Variants in ARAP1 observed in about 807,000 individuals in gnomAD.
ARAP1 encodes the protein ArfGAP with RhoGAP domain, ankyrin repeat and PH domain 1.
Under a neutral mutation model 172.2 loss-of-function variants are expected in ARAP1, and 76 were observed. That is an observed-to-expected ratio of 0.44 (90% CI 0.37 to 0.53). The LOEUF is 0.53. ARAP1 is among the 20% of genes least tolerant of loss of function. The pLI, the probability that ARAP1 is intolerant of heterozygous loss-of-function variation, is 0.00. For synonymous variants in ARAP1, 804 were observed against 803.3 expected, an observed-to-expected ratio of 1.00 and a Z score of -0.01; for missense variants, 1,686 against 1,977.5, an observed-to-expected ratio of 0.85 and a Z score of 2.80.
chr11:72,704,229 G>A lies in ARAP1; in HGVS notation c.1915C>T (p.His639Tyr). ...PSSSPSTRRC[H>Y]LEAKYREGKY... ...CCCTCACGGTACTTGGCCTCCAGGT[G>A]GCACCGCCGGGTGCTGGGGCTGCTG... Residue 639 changes from histidine (H) to tyrosine (Y), a missense_variant, in exon 14 of 35, where the codon CAC becomes TAC. Coordinates refer to ENST00000393609, the MANE Select transcript of ARAP1 (RefSeq NM_001040118.3). The A allele has an allele frequency of 6.2e-7, 1 of 1,613,832 alleles. No homozygotes were observed. Among genetic ancestry groups the A allele is most frequent in the Non-Finnish European group, 8.5e-7 (1 of 1,179,924 alleles).
intron 1 of ARAP1, among the ~76,000 whole-genome samples, chr11:72,751,554 A>C (rs1385856169): frequency 6.6e-6 from 1 of 152,014 alleles, no homozygotes; most frequent in African/African-American, 2.4e-5. Flanking sequence ...CCTGGGACCC[A>C]CCAAAGAGTC....
At chr11:72,734,093 T>G (rs1353452875) in intron 1 of ARAP1, among the ~76,000 whole-genome samples, 1 of 152,152 alleles carries the variant, frequency 6.6e-6, no homozygotes, top group Non-Finnish European at 1.5e-5. Flanking sequence ...CCCCAGTTGC[T>G]AGAAGTACAG....
In ARAP1 at chr11:72,741,007, T is replaced by C. The variant is rs1350816931; in HGVS notation, c.-127-8410A>G. On this transcript the variant is annotated intron_variant, in intron 1 of 34. Coordinates refer to ENST00000393609, the MANE Select transcript of ARAP1 (RefSeq NM_001040118.3). The surrounding 1 kb of genome is among the most constrained non-coding windows in gnomAD (Gnocchi z 4.5). ...TACCTCACTTGCAAATAAATGAAGCTGAAAGTTAAATGGTTTGGTTTTAGG... is the reference window on the plus strand; with the variant it reads ...TACCTCACTTGCAAATAAATGAAGCCGAAAGTTAAATGGTTTGGTTTTAGG... Among the ~76,000 whole-genome samples, 2 of 152,114 alleles carry C rather than the reference T, an allele frequency of 1.3e-5. No homozygotes were observed. Among genetic ancestry groups the C allele is most frequent in the Non-Finnish European group, 2.9e-5 (2 of 68,022 alleles).
At chr11:72,723,728 C>G (rs189240168) in intron 3 of ARAP1, among the ~76,000 whole-genome samples, 1 of 152,154 alleles carries the variant, frequency 6.6e-6, no homozygotes, top group East Asian at 1.9e-4. Context: ...CACAAGCTCA[C>G]GTTGGCAATC....
intron 2 of ARAP1, among the ~76,000 whole-genome samples, chr11:72,730,452 G>A (rs1379152887): frequency 1.3e-5 from 2 of 152,148 alleles, no homozygotes; most frequent in Non-Finnish European, 2.9e-5. Context: ...GGCTGGGCGC[G>A]GTGGCTCACA....
At chr11:72,748,445 G>A (rs1464330627) in intron 1 of ARAP1, among the ~76,000 whole-genome samples, 2 of 151,972 alleles carry the variant, frequency 1.3e-5, no homozygotes, top group Non-Finnish European at 2.9e-5. Context: ...GCTTGAACCC[G>A]GGAGGCGGAG....
chr11:72,688,084 A>G (rs890214987), intron 31 of ARAP1, among the ~76,000 whole-genome samples: 51 of 152,002 alleles, frequency 3.4e-4, no homozygotes, highest in African/African-American at 1.2e-3. Flanking sequence ...ACTGCAGCCC[A>G]AACTTCGGGA....
chr11:72,701,793 C>A lies in ARAP1; in HGVS notation c.2168-10G>T. On this transcript the variant is annotated splice_polypyrimidine_tract_variant and intron_variant, in intron 15 of 34. Transcript: ENST00000393609. ...TCCAGCCGAGGCACCTCTTTGTAGG[C>A]GGGGAAAGGATGGCAGGTCATGCTG... The A allele has an allele frequency of 6.2e-7, 1 of 1,612,132 alleles. No homozygotes were observed. Among genetic ancestry groups the A allele is most frequent in the African/African-American group, 1.3e-5 (1 of 74,992 alleles).
Position 72,702,928 on chromosome 11 carries a change from A to C in ARAP1, c.2144T>G (p.Phe715Cys). The change falls in exon 15 of 35, where the codon TTC becomes TGC. Residue 715 changes from phenylalanine (F) to cysteine (C), a missense_variant. Phe to Cys is a radical substitution (Grantham distance 205). This residue lies in a region of ARAP1 where 688 missense variants were observed against 856.9 expected (regional missense o/e 0.80). Transcript: ENST00000393609. Reference protein sequence around the residue: ...EQAGQTLQMEFLRNNRTTEVP... With the variant: ...EQAGQTLQMECLRNNRTTEVP... ...ACCTGTGGTCCGGTTGTTCCGAAGG[A>C]ATTCCATCTGCAGCGTCTGCCCCGC... The C allele has an allele frequency of 6.4e-7, 1 of 1,557,796 alleles. No homozygotes were observed. The highest frequency in any genetic ancestry group is 8.7e-7 in the Non-Finnish European group (1 of 1,150,280).
At chr11:72,687,648 T>G (rs1855748182) in intron 32 of ARAP1, 40 bp downstream of exon 32, 1 of 1,614,074 alleles carries the variant, frequency 6.2e-7, no homozygotes, top group Non-Finnish European at 8.5e-7. Context: ...TGCCACCATC[T>G]TTCCTCAGCC....
Position 72,712,335 on chromosome 11 carries a change from C to G in ARAP1, c.883G>C (p.Gly295Arg), listed in dbSNP as rs141567247. The change falls in exon 7 of 35, where the codon GGA (glycine) becomes CGA (arginine). Residue 295 changes from glycine to arginine, a missense_variant. Transcript: ENST00000393609. ...DHAYEGVPNG[G>R]WHTSSLSLSL... Reference sequence around the variant, plus strand: ...AAGCTCAGGCTGCTGGTATGCCATCCGCCACTAGCGAGAGATGAGGGGATG... The same window carrying G: ...AAGCTCAGGCTGCTGGTATGCCATCGGCCACTAGCGAGAGATGAGGGGATG... 6.5e-7 allele frequency: 1 copy of G among 1,548,892 alleles called. No individual in the cohort carries two copies. Among genetic ancestry groups the G allele is most frequent in the South Asian group, 1.2e-5 (1 of 81,860 alleles).
At chr11:72,736,017 AAAG>A (rs1252916283) in intron 1 of ARAP1, among the ~76,000 whole-genome samples, 2 of 152,214 alleles carry the variant, frequency 1.3e-5, no homozygotes, top group Non-Finnish European at 2.9e-5. Context: ...CAAATTGAAA[AAAG>A]AAGTTCAGAG....
intron 13 of ARAP1, 128 bp downstream of exon 13, chr11:72,705,677 T>G: frequency 1.0e-6 from 1 of 985,686 alleles, no homozygotes; most frequent in Non-Finnish European, 1.5e-6. Context: ...ACCCACTAGA[T>G]TATCACAAAG....
Position 72,686,156 on chromosome 11 carries a change from G to C in ARAP1, c.4221C>G (p.Arg1407=), listed in dbSNP as rs201910427. 6.2e-7 allele frequency: 1 copy of C among 1,613,880 alleles called. No homozygotes were observed. The part of the protein sequence containing the change: ...DGLVWPSEPS[R]VSRAVPEVRL... ...GGACCTCAGGCACTGCCCGGGACAC[G>C]CGTGAGGGCTCTGAGGGCCACACCA... The change falls in exon 34 of 35, where the codon CGC becomes CGG. Residue 1407 remains arginine, a synonymous_variant. Transcript: ENST00000393609.
Position 72,686,167 on chromosome 11 carries a change from C to G in ARAP1, c.4210G>C (p.Glu1404Gln). 1 of 1,613,596 alleles carries G rather than the reference C, an allele frequency of 6.2e-7. No homozygotes were observed. The highest frequency in any genetic ancestry group is 1.3e-5 in the African/African-American group (1 of 75,048). Residue 1404 changes from glutamate to glutamine, a missense_variant, in exon 34 of 35, where the codon GAG becomes CAG. Glu to Gln is a conservative substitution (Grantham distance 29, BLOSUM62 2). Transcript: ENST00000393609. ...VQHDGLVWPSEPSRVSRAVPE... is the reference protein window; with the variant it reads ...VQHDGLVWPSQPSRVSRAVPE... ...ACTGCCCGGGACACGCGTGAGGGCTCTGAGGGCCACACCAGGCCGTCATGC... is the reference window on the plus strand; with the variant it reads ...ACTGCCCGGGACACGCGTGAGGGCTGTGAGGGCCACACCAGGCCGTCATGC...
Position 72,697,899 on chromosome 11 carries a change from T to C in ARAP1, c.2737+12A>G. ...GCCCTGGAGGCTGGGGGCCCAGGTC[T>C]GGTCCACGCACAAAGCTCCTGCAGT... On this transcript the variant is annotated intron_variant, in intron 19 of 34. Coordinates refer to ENST00000393609, the MANE Select transcript of ARAP1 (RefSeq NM_001040118.3). 1 of 1,576,010 alleles carries C rather than the reference T, an allele frequency of 6.3e-7. No individual in the cohort carries two copies. The highest frequency in any genetic ancestry group is 1.7e-4 in the Middle Eastern group (1 of 5,862).
intron 14 of ARAP1, chr11:72,703,286 C>G (rs982120601): frequency 1.8e-6 from 1 of 542,994 alleles, no homozygotes; most frequent in African/African-American, 2.0e-5. Flanking sequence ...CAGGGGCTGC[C>G]TAGCAGAGGC....
At chr11:72,721,015 G>A (rs943724136) in intron 3 of ARAP1, among the ~76,000 whole-genome samples, 2 of 152,072 alleles carry the variant, frequency 1.3e-5, no homozygotes, top group African/African-American at 4.8e-5. Context: ...GGCAGCAGCA[G>A]GAGGAAGTTC....
rs777326022 is a variant in ARAP1, at chr11:72,726,678, C to A, written c.451G>T (p.Ala151Ser). 5 of 1,546,544 alleles carry A rather than the reference C, an allele frequency of 3.2e-6. No homozygotes were observed. The highest frequency in any genetic ancestry group is 3.5e-6 in the Non-Finnish European group (4 of 1,144,584). Reference protein sequence around the residue: ...LPPLPAKRHLAELSVPPVPPR... With the variant: ...LPPLPAKRHLSELSVPPVPPR... ...GGCACGGGTGGAACGCTCAGCTCTG[C>A]CAAATGCCGCTTAGCAGGCAGCGGG... Residue 151 changes from alanine (A) to serine (S), a missense_variant, in exon 3 of 35, where the codon GCA becomes TCA. Physicochemically the swap from Ala to Ser is moderately conservative, Grantham distance 99. Around this residue, in one of 5 missense-constraint regions of ARAP1, gnomAD observed 190 missense variants for 228.6 expected, o/e 0.83. Coordinates refer to ENST00000393609, the MANE Select transcript of ARAP1 (RefSeq NM_001040118.3). The surrounding 1 kb of genome is among the most constrained non-coding windows in gnomAD (Gnocchi z 6.5).
Sources: gnomAD v4.1 joint callset for allele counts (sites outside exome capture counted in the v4.1 genomes callset) on GRCh38, gnomAD v4.1.1 for gene constraint, gnomAD v4.1.1 regional missense constraint, Gnocchi (gnomAD v3.1) non-coding constraint, MANE v1.5 for transcripts, NCBI Gene and HGNC (gene_info 2026-07-23, HGNC 2026-07-21) for gene names.